Variants in CSMD3 observed in about 807,000 individuals in gnomAD.
CSMD3 encodes the protein CUB and Sushi multiple domains 3.
Under a neutral mutation model 435.2 loss-of-function variants are expected in CSMD3, and 177 were observed. The ratio of observed to expected loss-of-function variants is 0.41; its 90% CI spans 0.36 to 0.46. The LOEUF (loss-of-function observed/expected upper bound fraction) is 0.46. Ranked by LOEUF, CSMD3 falls within the 20% of genes least tolerant of loss-of-function variation. The pLI is 0.34. For missense variants in CSMD3, 4,265 were observed against 4,504.6 expected (o/e 0.95, Z 1.52); for synonymous variants, 1,656 against 1,520.5 (o/e 1.09, Z -2.07).
chr8:112,729,717 CT>C (rs1416238867), intron 13 of CSMD3, among the ~76,000 whole-genome samples: 2 of 151,966 alleles, frequency 1.3e-5, no homozygotes, highest in African/African-American at 4.8e-5. Flanking sequence ...TTTTTCCTCT[CT>C]CTTATATGGA....
intron 13 of CSMD3, among the ~76,000 whole-genome samples, chr8:112,745,722 A>G (rs1449906681): frequency 6.6e-6 from 1 of 150,452 alleles, no homozygotes; most frequent in African/African-American, 2.4e-5. Context: ...AAATATTTTT[A>G]TATACTACTG....
intron 3 of CSMD3, among the ~76,000 whole-genome samples, chr8:113,203,047 G>A (rs1019772390): frequency 6.6e-6 from 1 of 151,974 alleles, no homozygotes; most frequent in Non-Finnish European, 1.5e-5. Context: ...AAGTTCTAGA[G>A]TTCTGTACTA....
intron 24 of CSMD3, among the ~76,000 whole-genome samples, chr8:112,561,014 T>C (rs1305807191): frequency 6.6e-6 from 1 of 151,668 alleles, no homozygotes; most frequent in Non-Finnish European, 1.5e-5. Flanking sequence ...TGAGGTAAAA[T>C]GGATATATTC....
At chr8:112,705,609 G>C (rs183331781) in intron 13 of CSMD3, among the ~76,000 whole-genome samples, 185 of 152,078 alleles carry the variant, frequency 1.2e-3, no homozygotes, top group African/African-American at 4.2e-3. Flanking sequence ...AAAAAGGGTA[G>C]AGGAGAAATT....
rs746478440 is a variant in CSMD3, at chr8:113,341,095, T to C, written c.179-26302A>G. ...ATTGTACATATTTCAAGGGTACAAT[T>C]TGATGTTTCCATACATATATATGGA... is the stretch of plus-strand genomic sequence containing the variant. On this transcript the variant is annotated intron_variant, in intron 1 of 70. Transcript: ENST00000297405. Among the ~76,000 whole-genome samples, 9 of 152,130 alleles carry C rather than the reference T, an allele frequency of 5.9e-5. 1 individual carries two copies. The highest frequency in any genetic ancestry group is 3.3e-4 in the Admixed American group (5 of 15,258).
rs1308880016 is a variant in CSMD3, at chr8:112,453,714, T to C, written c.5395+18877A>G. 5.3e-5 allele frequency among the ~76,000 whole-genome samples: 8 copies of C among 152,238 alleles called. No individual in the cohort carries two copies. The South Asian group carries it at 1.7e-3, about 32-fold the overall frequency. Reference sequence around the variant, plus strand: ...AAAGCAATCTACAAATTGAACACTATTCCCATAAAAGTACCAATGTCATTT... The same window carrying C: ...AAAGCAATCTACAAATTGAACACTACTCCCATAAAAGTACCAATGTCATTT... On this transcript the variant is annotated intron_variant, in intron 32 of 70. Transcript: ENST00000297405.
chr8:113,140,147 C>T lies in CSMD3; in HGVS notation c.709+33575G>A, dbSNP rs143892149. Among the ~76,000 whole-genome samples, 515 of 150,666 alleles carry T rather than the reference C, an allele frequency of 3.4e-3. 3 individuals are homozygous for T. Among genetic ancestry groups the T allele is most frequent in the African/African-American group, 0.01 (430 of 41,268 alleles). ...TTTGACAGCCAAGAAAATTACCAGACGCAGAAACGGACATTATATATAATG... is the reference window on the plus strand; with the variant it reads ...TTTGACAGCCAAGAAAATTACCAGATGCAGAAACGGACATTATATATAATG... On this transcript the variant is annotated intron_variant, in intron 4 of 70. Transcript: ENST00000297405.
At chr8:112,887,162 T>G (rs979138763) in intron 10 of CSMD3, among the ~76,000 whole-genome samples, 1 of 151,110 alleles carries the variant, frequency 6.6e-6, no homozygotes, top group East Asian at 2.0e-4. Context: ...TATCATATAG[T>G]AAGCACTGTA....
At chr8:113,375,603 T>C (rs1232087000) in intron 1 of CSMD3, among the ~76,000 whole-genome samples, 1 of 151,970 alleles carries the variant, frequency 6.6e-6, no homozygotes, top group African/African-American at 2.4e-5. Context: ...CATTGAAATA[T>C]GGAACCCTCC....
At chr8:113,183,577 T>G (rs1319392698) in intron 3 of CSMD3, among the ~76,000 whole-genome samples, 3 of 152,010 alleles carry the variant, frequency 2.0e-5, no homozygotes, top group African/African-American at 7.2e-5. Flanking sequence ...TATGAGATTC[T>G]GATAAACCTT....
intron 52 of CSMD3, among the ~76,000 whole-genome samples, chr8:112,303,432 C>T (rs1188669940): frequency 6.6e-6 from 1 of 151,978 alleles, no homozygotes; most frequent in Non-Finnish European, 1.5e-5. Context: ...TGGTGGCAGG[C>T]ACCTGCAATC....
chr8:112,892,598 A>G (rs1025157709), intron 10 of CSMD3, among the ~76,000 whole-genome samples: 2 of 151,526 alleles, frequency 1.3e-5, no homozygotes, highest in Non-Finnish European at 3.0e-5. Context: ...TTATGGAAAC[A>G]TCAACACCTA....
chr8:112,845,171 T>G (rs757775219), intron 11 of CSMD3, among the ~76,000 whole-genome samples: 7 of 152,100 alleles, frequency 4.6e-5, no homozygotes, highest in Non-Finnish European at 8.8e-5. Flanking sequence ...ATTGCTCAGT[T>G]ATTTCAATAA....
intron 4 of CSMD3, among the ~76,000 whole-genome samples, chr8:113,173,122 T>C (rs2092294985): frequency 1.3e-5 from 2 of 152,154 alleles, no homozygotes; most frequent in Non-Finnish European, 1.5e-5. Context: ...CTAATTAAAT[T>C]TCTAATCATA....
At chr8:112,994,625 T>TA (rs1256915818) in intron 6 of CSMD3, among the ~76,000 whole-genome samples, 1 of 151,598 alleles carries the variant, frequency 6.6e-6, no homozygotes. Context: ...GTTACACTGA[T>TA]AAAATTGAGA....
chr8:113,336,374 T>C (rs1044729271), intron 1 of CSMD3, among the ~76,000 whole-genome samples: 2 of 152,148 alleles, frequency 1.3e-5, no homozygotes, highest in Non-Finnish European at 2.9e-5. Context: ...ATTTTTAGCA[T>C]GGCTGCTTTA....
At chr8:113,337,299 G>A (rs1405429372) in intron 1 of CSMD3, among the ~76,000 whole-genome samples, 2 of 152,112 alleles carry the variant, frequency 1.3e-5, no homozygotes, top group African/African-American at 4.8e-5. Flanking sequence ...TTTGTAGCAT[G>A]AGAAATGGAG....
intron 3 of CSMD3, among the ~76,000 whole-genome samples, chr8:113,264,930 G>A (rs1395414831): frequency 6.6e-6 from 1 of 151,520 alleles, no homozygotes; most frequent in Non-Finnish European, 1.5e-5. Context: ...TATCAGCTGA[G>A]TTTAACAAGC....
chr8:112,593,106 A>T (rs1007133653), intron 22 of CSMD3, among the ~76,000 whole-genome samples: 1 of 152,208 alleles, frequency 6.6e-6, no homozygotes, highest in Admixed American at 6.5e-5. Context: ...TGAAAGTATA[A>T]ATAGGTAAAC....
Sources: gnomAD v4.1 joint callset for allele counts (sites outside exome capture counted in the v4.1 genomes callset) on GRCh38, gnomAD v4.1.1 for gene constraint, MANE v1.5 for transcripts, NCBI Gene and HGNC (gene_info 2026-07-23, HGNC 2026-07-21) for gene names.